The following NRG3 variants were observed in gnomAD, a reference collection of about 807,000 sequenced individuals.
NRG3 encodes the protein pro-neuregulin-3, membrane-bound isoform.
Under a neutral mutation model 66.9 loss-of-function variants are expected in NRG3, and 31 were observed. That is an observed-to-expected ratio of 0.46 (90% CI 0.35 to 0.63). The LOEUF is 0.63. Ranked by LOEUF, NRG3 falls within the 20% of genes least tolerant of loss-of-function variation. The probability of loss-of-function intolerance (pLI) is 0.00; values close to 1 mark genes in which losing one functional copy is unlikely to be tolerated. For missense variants in NRG3, 910 were observed against 878.9 expected, an observed-to-expected ratio of 1.04 and a Z score of -0.45; for synonymous variants, 393 against 359.4, an observed-to-expected ratio of 1.09 and a Z score of -1.06.
chr10:82,121,127 T>C (rs1046082300), intron 1 of NRG3, among the ~76,000 whole-genome samples: 1 of 152,102 alleles, frequency 6.6e-6, no homozygotes, highest in African/African-American at 2.4e-5. Context: ...CAGTGAAACT[T>C]ACCCATCTGC....
intron 1 of NRG3, among the ~76,000 whole-genome samples, chr10:81,925,998 G>T (rs1690857583): frequency 6.6e-6 from 1 of 152,122 alleles, no homozygotes. Context: ...TCAGCTATAG[G>T]AAAAATTGGC....
intron 3 of NRG3, among the ~76,000 whole-genome samples, chr10:82,773,340 T>C (rs2059784474): frequency 6.6e-6 from 1 of 152,154 alleles, no homozygotes; most frequent in Admixed American, 6.6e-5. Flanking sequence ...TGATAATAAA[T>C]GAAAATGAGG....
In NRG3 at chr10:82,588,836, G is replaced by T. The variant is rs529863610; in HGVS notation, c.954-149741G>T. ...TTCTTTATAAATTACCCATCCTCAG[G>T]TATTTCTTTATAGCAACAAAAAATG... On this transcript the variant is annotated intron_variant, in intron 2 of 8. Coordinates refer to ENST00000372141, the MANE Select transcript of NRG3 (RefSeq NM_001010848.4). Among the ~76,000 whole-genome samples, 17 of 152,184 alleles carry T rather than the reference G, an allele frequency of 1.1e-4. No individual in the cohort carries two copies. In the South Asian group the frequency reaches 2.7e-3, roughly 24 times the overall value.
intron 2 of NRG3, among the ~76,000 whole-genome samples, chr10:82,442,457 G>C (rs2090479626): frequency 6.6e-6 from 1 of 152,164 alleles, no homozygotes; most frequent in Admixed American, 6.5e-5. Context: ...GAGTTAATAA[G>C]GCAAAGGATG....
At chr10:82,349,846 C>G (rs532395726) in intron 1 of NRG3, among the ~76,000 whole-genome samples, 1 of 152,194 alleles carries the variant, frequency 6.6e-6, no homozygotes. Context: ...GTCTGTCACC[C>G]CTTTCTTTGA....
chr10:82,940,887 C>T (rs900774843), intron 4 of NRG3, among the ~76,000 whole-genome samples: 1 of 152,202 alleles, frequency 6.6e-6, no homozygotes, highest in Non-Finnish European at 1.5e-5. Flanking sequence ...TTTGGGGGCA[C>T]ACCAATATTC....
At chr10:82,098,167 C>CAT (rs60885865) in intron 1 of NRG3, among the ~76,000 whole-genome samples, 4,130 of 149,784 alleles carry the variant, frequency 0.028, 194 homozygotes, top group African/African-American at 0.097. Context: ...ATGTATATGT[C>CAT]ATATATATAT....
intron 3 of NRG3, among the ~76,000 whole-genome samples, chr10:82,752,714 G>A (rs1310137135): frequency 6.6e-6 from 1 of 152,182 alleles, no homozygotes; most frequent in African/African-American, 2.4e-5. Flanking sequence ...AAGTCCTCAT[G>A]AATGGGATTA....
At chr10:82,777,387 G>T (rs570923519) in intron 3 of NRG3, among the ~76,000 whole-genome samples, 1 of 152,232 alleles carries the variant, frequency 6.6e-6, no homozygotes, top group East Asian at 1.9e-4. Context: ...AGCCATAGTG[G>T]TGCTGTACTA....
chr10:82,442,918 C>T (rs193277593), intron 2 of NRG3, among the ~76,000 whole-genome samples: 89 of 146,528 alleles, frequency 6.1e-4, no homozygotes, highest in African/African-American at 2.0e-3. Flanking sequence ...GTAGGCTGAA[C>T]GTGAAGTTGA....
intron 1 of NRG3, among the ~76,000 whole-genome samples, chr10:82,166,568 T>C (rs1181730345): frequency 1.3e-5 from 2 of 151,994 alleles, no homozygotes; most frequent in Non-Finnish European, 2.9e-5. Context: ...ATAAATACTA[T>C]ATTGCATTGC....
At chr10:82,065,091 C>T (rs2064375988) in intron 1 of NRG3, among the ~76,000 whole-genome samples, 1 of 152,176 alleles carries the variant, frequency 6.6e-6, no homozygotes, top group African/African-American at 2.4e-5. Context: ...ATCATTCCAA[C>T]TTTTCTTCTA....
At chr10:82,155,946 A>G (rs2071153974) in intron 1 of NRG3, among the ~76,000 whole-genome samples, 1 of 151,716 alleles carries the variant, frequency 6.6e-6, no homozygotes, top group Admixed American at 6.6e-5. Context: ...TCACTAGAAA[A>G]CATATCGATT....
intron 2 of NRG3, among the ~76,000 whole-genome samples, chr10:82,397,219 G>A (rs1589978911): frequency 6.6e-6 from 1 of 152,148 alleles, no homozygotes; most frequent in Non-Finnish European, 1.5e-5. Context: ...AGACTCCTAA[G>A]ACTATTGCCT....
At chr10:82,635,223 T>C (rs1220314425) in intron 2 of NRG3, among the ~76,000 whole-genome samples, 1 of 152,146 alleles carries the variant, frequency 6.6e-6, no homozygotes, top group Non-Finnish European at 1.5e-5. Context: ...TCTTTCATCT[T>C]CTTTGTCCCA....
intron 2 of NRG3, among the ~76,000 whole-genome samples, chr10:82,545,415 G>C (rs2043828302): frequency 8.0e-6 from 1 of 125,070 alleles, no homozygotes; most frequent in Non-Finnish European, 1.6e-5. Context: ...GTCTCTCTCT[G>C]TCGCCCAGGC....
At chr10:82,607,020 T>TC (rs2048010104) in intron 2 of NRG3, among the ~76,000 whole-genome samples, 1 of 152,130 alleles carries the variant, frequency 6.6e-6, no homozygotes, top group Non-Finnish European at 1.5e-5. Flanking sequence ...GATTTGAGGT[T>TC]CCCTCCTGTC....
chr10:82,342,289 G>A (rs1260591172), intron 1 of NRG3, among the ~76,000 whole-genome samples: 1 of 151,976 alleles, frequency 6.6e-6, no homozygotes, highest in Non-Finnish European at 1.5e-5. Flanking sequence ...ATACTCAGAA[G>A]TGGGATTACT....
intron 2 of NRG3, among the ~76,000 whole-genome samples, chr10:82,691,942 TTG>T (rs1249902241): frequency 6.6e-6 from 1 of 152,100 alleles, no homozygotes; most frequent in African/African-American, 2.4e-5. Flanking sequence ...TCCTGGTAAT[TTG>T]TGTTTTTTGA....
Sources: gnomAD v4.1 joint callset for allele counts (sites outside exome capture counted in the v4.1 genomes callset) on GRCh38, gnomAD v4.1.1 for gene constraint, MANE v1.5 for transcripts, NCBI Gene and HGNC (gene_info 2026-07-23, HGNC 2026-07-21) for gene names.